Variants in RBFOX1 observed in about 807,000 individuals in gnomAD.
RBFOX1 encodes the protein RNA binding fox-1 homolog 1.
A neutral mutation model predicts 57.7 loss-of-function variants in RBFOX1; 8 were observed. The observed-to-expected ratio is 0.14, with a 90% CI of 0.08 to 0.25. The LOEUF is 0.25. RBFOX1 is among the 10% of genes least tolerant of loss of function. RBFOX1 has a pLI of 1.00. For synonymous variants in RBFOX1, 326 were observed against 222.4 expected (o/e 1.47, Z -4.15); for missense variants, 611 against 548.5 (o/e 1.11, Z -1.14).
At chr16:7,651,284 G>C (rs1386681099) in intron 11 of RBFOX1, among the ~76,000 whole-genome samples, 1 of 152,052 alleles carries the variant, frequency 6.6e-6, no homozygotes, top group African/African-American at 2.4e-5. Context: ...GGTTTTATTT[G>C]GGCCCTTAAA....
chr16:7,407,986 C>T lies in RBFOX1; in HGVS notation c.28-110161C>T, dbSNP rs189702931. Among the ~76,000 whole-genome samples, 575 of 152,318 alleles carry T rather than the reference C, an allele frequency of 3.8e-3. 12 individuals carry two copies. Among genetic ancestry groups the T allele is most frequent in the Admixed American group, 0.033 (503 of 15,296 alleles). ...ATAATCACAATGAATGTATGGCCCACAGTGCCTAAAATATTTATTCCGTGG... is the reference window on the plus strand; with the variant it reads ...ATAATCACAATGAATGTATGGCCCATAGTGCCTAAAATATTTATTCCGTGG... On this transcript the variant is annotated intron_variant, in intron 4 of 15. Coordinates refer to ENST00000550418, the MANE Select transcript of RBFOX1 (RefSeq NM_018723.4).
intron 2 of RBFOX1, among the ~76,000 whole-genome samples, chr16:6,457,760 A>T (rs1323512888): frequency 6.6e-6 from 1 of 152,118 alleles, no homozygotes; most frequent in Admixed American, 6.5e-5. Flanking sequence ...TCATCGTTTG[A>T]TCTGCTTTAA....
chr16:7,207,730 G>A (rs539125892), intron 4 of RBFOX1, among the ~76,000 whole-genome samples: 33 of 152,346 alleles, frequency 2.2e-4, no homozygotes, highest in African/African-American at 7.5e-4. Flanking sequence ...CTGTAAGGCA[G>A]TTGCCTCCAA....
chr16:7,105,836 G>T (rs1255068995), intron 4 of RBFOX1, among the ~76,000 whole-genome samples: 1 of 152,092 alleles, frequency 6.6e-6, no homozygotes, highest in African/African-American at 2.4e-5. Flanking sequence ...TCATTTGATT[G>T]ATGGGCATTT....
At chr16:5,682,704 C>A (rs925331070) in intron 3 of RBFOX1, among the ~76,000 whole-genome samples, 1 of 152,124 alleles carries the variant, frequency 6.6e-6, no homozygotes, top group Non-Finnish European at 1.5e-5. Context: ...CAAGGTTGTC[C>A]GAGTCTAACA....
At chr16:7,442,577 C>G (rs1220770006) in intron 4 of RBFOX1, among the ~76,000 whole-genome samples, 1 of 152,078 alleles carries the variant, frequency 6.6e-6, no homozygotes, top group Non-Finnish European at 1.5e-5. Context: ...AATGAGTTGT[C>G]CCTGCAACTA....
chr16:6,618,459 T>C (rs1331958001), intron 2 of RBFOX1, among the ~76,000 whole-genome samples: 1 of 152,194 alleles, frequency 6.6e-6, no homozygotes, highest in African/African-American at 2.4e-5. Context: ...TCCTACATTC[T>C]GATAATAGTA....
chr16:6,700,855 A>C (rs1299250644), intron 3 of RBFOX1, among the ~76,000 whole-genome samples: 1 of 152,112 alleles, frequency 6.6e-6, no homozygotes, highest in African/African-American at 2.4e-5. Context: ...GAAAACTTGC[A>C]CTAGGAGTGT....
chr16:6,502,151 C>T (rs1444862920), intron 2 of RBFOX1, among the ~76,000 whole-genome samples: 1 of 152,080 alleles, frequency 6.6e-6, no homozygotes, highest in Non-Finnish European at 1.5e-5. Context: ...CAGGCATTGG[C>T]TTTAGCTAGT....
At chr16:5,981,477 T>C (rs1004252443) in intron 4 of RBFOX1, among the ~76,000 whole-genome samples, 1 of 152,180 alleles carries the variant, frequency 6.6e-6, no homozygotes, top group Non-Finnish European at 1.5e-5. Context: ...TATTTTATTA[T>C]TTTATTTTTG....
intron 3 of RBFOX1, among the ~76,000 whole-genome samples, chr16:5,846,925 T>A (rs576207200): frequency 6.6e-6 from 1 of 152,250 alleles, no homozygotes; most frequent in Admixed American, 6.5e-5. Flanking sequence ...AGCCTATAAA[T>A]CAATTAGTGC....
chr16:6,238,501 G>A (rs553969795), intron 1 of RBFOX1, among the ~76,000 whole-genome samples: 1 of 152,224 alleles, frequency 6.6e-6, no homozygotes, highest in African/African-American at 2.4e-5. Flanking sequence ...ACTTCGCTGT[G>A]GTTTTTCCAT....
At chr16:7,422,157 C>CGTGTGCGTGT (rs1180090623) in intron 4 of RBFOX1, among the ~76,000 whole-genome samples, 2 of 152,072 alleles carry the variant, frequency 1.3e-5, no homozygotes, top group Non-Finnish European at 2.9e-5. Context: ...TGTTTGTGTA[C>CGTGTGCGTGT]GTGTGCGTGT....
intron 4 of RBFOX1, among the ~76,000 whole-genome samples, chr16:7,411,319 A>G (rs746740452): frequency 9.2e-5 from 14 of 152,238 alleles, no homozygotes; most frequent in Non-Finnish European, 1.8e-4. Context: ...ATCAGGTCTC[A>G]TCCTCCTCAG....
intron 13 of RBFOX1, among the ~76,000 whole-genome samples, chr16:7,672,283 C>T (rs11859984): frequency 6.6e-6 from 1 of 152,006 alleles, no homozygotes; most frequent in Non-Finnish European, 1.5e-5. Flanking sequence ...GTCTATTACC[C>T]ACATTGAAAC....
At chr16:7,055,879 T>C in intron 4 of RBFOX1, among the ~76,000 whole-genome samples, 1 of 152,244 alleles carries the variant, frequency 6.6e-6, no homozygotes, top group African/African-American at 2.4e-5. Context: ...CATTACTCTC[T>C]TTCATCCTAC....
intron 1 of RBFOX1, among the ~76,000 whole-genome samples, chr16:5,241,395 C>G (rs960605106): frequency 2.0e-5 from 3 of 151,678 alleles, no homozygotes; most frequent in African/African-American, 7.3e-5. Context: ...CGCCAGGAAA[C>G]TTTATTGCGT....
At chr16:7,163,290 G>A (rs952249588) in intron 4 of RBFOX1, among the ~76,000 whole-genome samples, 5 of 152,114 alleles carry the variant, frequency 3.3e-5, no homozygotes, top group East Asian at 1.9e-4. Context: ...TTGTATAAAC[G>A]TCACTGTGGA....
chr16:5,640,919 G>T, intron 3 of RBFOX1, among the ~76,000 whole-genome samples: 1 of 131,880 alleles, frequency 7.6e-6, no homozygotes, highest in Non-Finnish European at 1.6e-5. Flanking sequence ...ATGGACACAC[G>T]TGCACATACA....
Sources: gnomAD v4.1 joint callset for allele counts (sites outside exome capture counted in the v4.1 genomes callset) on GRCh38, gnomAD v4.1.1 for gene constraint, MANE v1.5 for transcripts, NCBI Gene and HGNC (gene_info 2026-07-23, HGNC 2026-07-21) for gene names.